SF3A3: variants seen among roughly 807,000 people sequenced by gnomAD.
SF3A3 encodes SAP 61.
Under a neutral mutation model 85.8 loss-of-function variants are expected in SF3A3, and 9 were observed. The observed-to-expected ratio is 0.10, with a 90% CI of 0.06 to 0.18. The LOEUF is 0.18. Ranked by LOEUF, SF3A3 falls within the 10% of genes least tolerant of loss-of-function variation. The pLI, the probability that SF3A3 is intolerant of heterozygous loss-of-function variation, is 1.00. For missense variants in SF3A3, 306 were observed against 593.3 expected, an observed-to-expected ratio of 0.52 and a Z score of 5.03; for synonymous variants, 195 against 204.4, an observed-to-expected ratio of 0.95 and a Z score of 0.39.
chr1:37,989,564 G>A lies in SF3A3; in HGVS notation c.128C>T (p.Thr43Ile), dbSNP rs780588662. The A allele has an allele frequency of 3.1e-6, 5 of 1,613,994 alleles. No individual in the cohort carries two copies. In the African/African-American group the frequency reaches 4.0e-5, roughly 13 times the overall value. ...LRDQINSDHR[T>I]RAMQDRYMEV... ...GGCACTCACATCTTGCATGGCCCGAGTGCGGTGATCAGAATTGATCTGGTC... is the reference window on the plus strand; with the variant it reads ...GGCACTCACATCTTGCATGGCCCGAATGCGGTGATCAGAATTGATCTGGTC... Residue 43 changes from threonine to isoleucine, a missense_variant, in exon 2 of 17, where the codon ACT becomes ATT. By Grantham distance (89) the Thr-to-Ile change is moderately conservative. Around this residue, in one of 4 missense-constraint regions of SF3A3, gnomAD observed 152 missense variants for 192.0 expected, o/e 0.79. Transcript: ENST00000373019.
In SF3A3 at chr1:37,962,980, C is replaced by T. The variant is rs561369822; in HGVS notation, c.1373-2805G>A. Among the ~76,000 whole-genome samples, 54 of 150,374 alleles carry T rather than the reference C, an allele frequency of 3.6e-4. 1 individual carries two copies. The South Asian group carries it at 6.3e-3, about 18-fold the overall frequency. ...GCGTGCACCTGTAGTCCCAGCCACT[C>T]GGGAGGCTGAGACAGGAGAATCGCT... On this transcript the variant is annotated intron_variant, in intron 15 of 16. Coordinates refer to ENST00000373019, the MANE Select transcript of SF3A3 (RefSeq NM_006802.4).
intron 7 of SF3A3, among the ~76,000 whole-genome samples, chr1:37,981,063 G>A (rs1435584206): frequency 6.6e-6 from 1 of 151,880 alleles, no homozygotes; most frequent in Non-Finnish European, 1.5e-5. Context: ...TGGTCAGGCT[G>A]GTCGCGAACT....
At chr1:37,972,487 G>A (rs1646350807) in intron 12 of SF3A3, among the ~76,000 whole-genome samples, 1 of 152,068 alleles carries the variant, frequency 6.6e-6, no homozygotes, top group African/African-American at 2.4e-5. Context: ...GACTTCACAA[G>A]CTTACCAATT....
chr1:37,980,561 C>T (rs140215199), intron 8 of SF3A3, 25 bp downstream of exon 8: 27 of 1,609,748 alleles, frequency 1.7e-5, no homozygotes, highest in Non-Finnish European at 2.1e-5. Flanking sequence ...GGCATGTCCA[C>T]CATTCACATC....
intron 11 of SF3A3, 34 bp from the exon 12 acceptor site, chr1:37,976,987 ATTCTC>A (rs1646383575): frequency 6.8e-7 from 1 of 1,470,536 alleles, no homozygotes; most frequent in African/African-American, 1.4e-5. Context: ...TCACTCAAGG[ATTCTC>A]TCATCCATTG....
intron 8 of SF3A3, among the ~76,000 whole-genome samples, chr1:37,979,938 A>G (rs1646405605): frequency 6.6e-6 from 1 of 152,238 alleles, no homozygotes; most frequent in Non-Finnish European, 1.5e-5. Flanking sequence ...AGGTTTGTCC[A>G]CATTCTCTCC....
intron 16 of SF3A3, among the ~76,000 whole-genome samples, chr1:37,959,571 G>A (rs1570450380): frequency 6.6e-6 from 1 of 151,432 alleles, no homozygotes. Flanking sequence ...ACCACACTTG[G>A]CTAATTATTA....
chr1:37,974,144 C>T (rs1451118686), intron 12 of SF3A3, among the ~76,000 whole-genome samples: 10 of 151,730 alleles, frequency 6.6e-5, no homozygotes, highest in African/African-American at 1.9e-4. Context: ...GACGAGTTAA[C>T]GGGTGCAGCA....
chr1:37,985,991 C>G (rs1040440785), intron 4 of SF3A3, among the ~76,000 whole-genome samples: 2 of 148,560 alleles, frequency 1.3e-5, no homozygotes. Flanking sequence ...CTCTGTTGCC[C>G]AGGCTGGAGT....
intron 2 of SF3A3, among the ~76,000 whole-genome samples, chr1:37,988,934 C>T (rs1646475210): frequency 6.6e-6 from 1 of 150,616 alleles, no homozygotes; most frequent in Non-Finnish European, 1.5e-5. Context: ...TAGCTATGCA[C>T]CTGAGTCATG....
In SF3A3 at chr1:37,984,151, C is replaced by A. The variant is rs182029972; in HGVS notation, c.468+18G>T. ...CACTTCGAGAATCAGAACCTCTCTG[C>A]CCTTTCCCAGGCCTTACCTCAGATG... On this transcript the variant is annotated intron_variant, in intron 6 of 16. Transcript: ENST00000373019. 6.9e-7 allele frequency: 1 copy of A among 1,452,338 alleles called. No homozygotes were observed. Among genetic ancestry groups the A allele is most frequent in the South Asian group, 1.2e-5 (1 of 85,648 alleles). 90.0% of individuals were successfully genotyped at this position (1,452,338 alleles called of 1,614,324 possible). A position where few individuals can be genotyped will look rare whatever the true frequency, so the allele number is the denominator to read the frequency against.
At chr1:37,983,034 G>C (rs375621709) in intron 6 of SF3A3, among the ~76,000 whole-genome samples, 2 of 151,874 alleles carry the variant, frequency 1.3e-5, no homozygotes, top group South Asian at 2.1e-4. Flanking sequence ...CGCCTCCTGG[G>C]TTCAAGCGAT....
intron 15 of SF3A3, among the ~76,000 whole-genome samples, chr1:37,962,550 C>A (rs2148714846): frequency 7.2e-6 from 1 of 139,440 alleles, no homozygotes; most frequent in Non-Finnish European, 1.5e-5. Context: ...TTGCAGTGGG[C>A]CGAGATCGTG....
intron 1 of SF3A3, 41 bp from the exon 2 acceptor site, chr1:37,989,636 T>C: frequency 6.2e-7 from 1 of 1,609,362 alleles, no homozygotes; most frequent in Non-Finnish European, 8.5e-7. Context: ...TTAGTTTGCG[T>C]TCTGGAGTAG....
At chr1:37,981,131 G>A (rs188931017) in intron 7 of SF3A3, among the ~76,000 whole-genome samples, 97 of 152,136 alleles carry the variant, frequency 6.4e-4, no homozygotes, top group Non-Finnish European at 1.3e-3. Flanking sequence ...TTACAGGTGT[G>A]AGCCACCGCG....
At position 37,966,159 on chromosome 1, in the gene SF3A3, C is replaced by T. The variant is rs563767856; in HGVS notation, c.1372+1885G>A. On this transcript the variant is annotated intron_variant, in intron 15 of 16. Transcript: ENST00000373019. Reference sequence around the variant, plus strand: ...TGGAGGTTGCAGTGAGCTGAGATCACGCTACTGCACTCCAGCTTGGGTGAC... The same window carrying T: ...TGGAGGTTGCAGTGAGCTGAGATCATGCTACTGCACTCCAGCTTGGGTGAC... Among the ~76,000 whole-genome samples, 20 of 151,758 alleles carry T rather than the reference C, an allele frequency of 1.3e-4. 1 individual carries two copies. In the South Asian group the frequency reaches 2.1e-3, roughly 16 times the overall value.
At chr1:37,974,238 T>C (rs1231778034) in intron 12 of SF3A3, among the ~76,000 whole-genome samples, 1 of 147,090 alleles carries the variant, frequency 6.8e-6, no homozygotes, top group African/African-American at 2.5e-5. Context: ...AAAAAAAAAT[T>C]AAAAAAAAAA....
chr1:37,977,721 C>T (rs1349736482), intron 11 of SF3A3, among the ~76,000 whole-genome samples: 1 of 152,008 alleles, frequency 6.6e-6, no homozygotes, highest in Non-Finnish European at 1.5e-5. Flanking sequence ...CTCTGGTAAT[C>T]TCAGCTACTC....
rs1298247611 is a variant in SF3A3 at position 37,969,615 on chromosome 1, T to G, written c.1126A>C (p.Ile376Leu). Residue 376 changes from isoleucine to leucine, a missense_variant, in exon 13 of 17, where the codon ATC (isoleucine) becomes CTC (leucine). Coordinates refer to ENST00000373019, the MANE Select transcript of SF3A3 (RefSeq NM_006802.4). ...GGCAGGTTTTTGGGGTTGTAAATGA[T>G]CTCGTTCTCTTCATCTTCACTCTCA... is the stretch of plus-strand genomic sequence containing the variant. ...ESESEDEENEIIYNPKNLPLG... is the reference protein window; with the variant it reads ...ESESEDEENELIYNPKNLPLG... 1.2e-6 allele frequency: 2 copies of G among 1,614,072 alleles called. No homozygotes were observed. The highest frequency in any genetic ancestry group is 1.7e-6 in the Non-Finnish European group (2 of 1,180,042).
Sources: gnomAD v4.1 joint callset for allele counts (sites outside exome capture counted in the v4.1 genomes callset) on GRCh38, gnomAD v4.1.1 for gene constraint, gnomAD v4.1.1 regional missense constraint, MANE v1.5 for transcripts, NCBI Gene and HGNC (gene_info 2026-07-23, HGNC 2026-07-21) for gene names.